Variants in WNK1 observed in about 807,000 individuals in gnomAD.
WNK1 encodes WNK lysine deficient protein kinase 1, also known as serine/threonine-protein kinase WNK1.
WNK1 carries 38 observed loss-of-function variants against 222.8 expected under a neutral mutation model. The observed-to-expected ratio is 0.17, with a 90% CI of 0.13 to 0.22. The LOEUF is 0.22. WNK1 is among the 10% of genes least tolerant of loss of function. The pLI is 1.00. For missense variants in WNK1, 2,348 were observed against 2,918.4 expected (o/e 0.80, Z 4.50); for synonymous variants, 1,090 against 1,092.9 (o/e 1.00, Z 0.05).
chr12:884,844 C>T lies in WNK1; in HGVS notation c.4040C>T (p.Pro1347Leu). 1.2e-6 allele frequency: 2 copies of T among 1,614,124 alleles called. No individual in the cohort carries two copies. The highest frequency in any genetic ancestry group is 1.7e-6 in the Non-Finnish European group (2 of 1,180,006). ...PPFLSSIAGV[P>L]TTAAATAPVP... is the part of the protein sequence containing the mutation. Reference sequence around the variant, plus strand: ...TTCTTAAGTAGCATTGCTGGAGTCCCAACCACAGCAGCAGCCACAGCACCA... The same window carrying T: ...TTCTTAAGTAGCATTGCTGGAGTCCTAACCACAGCAGCAGCCACAGCACCA... Residue 1347 changes from proline to leucine, a missense_variant, in exon 19 of 28, where the codon CCA becomes CTA. Pro to Leu is a moderately conservative substitution (Grantham distance 98). Transcript: ENST00000315939. This position sits in a 1 kb window ranked among gnomAD's most constrained non-coding sequence, Gnocchi z 5.6.
chr12:827,332 G>A lies in WNK1; in HGVS notation c.1153+70G>A. The stretch of plus-strand genomic sequence containing the variant: ...TCCTTTTATTTAGAATCCTGGCTCT[G>A]TCAGAGTTTTAAGTGATATAAACCT... On this transcript the variant is annotated intron_variant, in intron 3 of 27. Transcript: ENST00000315939. The surrounding 1 kb of genome is among the most constrained non-coding windows in gnomAD (Gnocchi z 4.6). 7.1e-7 allele frequency: 1 copy of A among 1,400,500 alleles called. No individual in the cohort carries two copies. Among genetic ancestry groups the A allele is most frequent in the Admixed American group, 1.7e-5 (1 of 59,372 alleles). The allele number at this position is 1,400,500 out of a possible 1,614,324, so 86.8% of individuals were successfully genotyped here.
intron 22 of WNK1, among the ~76,000 whole-genome samples, chr12:893,637 G>C (rs4390399): frequency 0.74 from 111,633 of 151,294 alleles, 41,329 homozygotes; most frequent in African/African-American, 0.81. Flanking sequence ...TCCTGACTAA[G>C]ACGGTGAAAC....
At chr12:813,510 T>A in intron 1 of WNK1, 132 bp from the exon 2 acceptor site, 1 of 910,304 alleles carries the variant, frequency 1.1e-6, no homozygotes, top group East Asian at 2.7e-5. Flanking sequence ...AATCTATCAT[T>A]TATAACTTCA....
rs548580955 is a variant in WNK1, at chr12:875,629, G to GA, written c.2224-2574dup. 7.1e-3 allele frequency among the ~76,000 whole-genome samples: 1,073 copies of GA among 151,336 alleles called. 12 individuals carry two copies. The highest frequency in any genetic ancestry group is 0.025 in the African/African-American group (1,014 of 41,308). The stretch of plus-strand genomic sequence containing the variant: ...ATGAATAAAAACCTATAAGAGAAAG[G>GA]AAAAAAAAATCTAGTTTTATTTTAA... On this transcript the variant is annotated intron_variant, in intron 9 of 27. Coordinates refer to ENST00000315939, the MANE Select transcript of WNK1 (RefSeq NM_018979.4).
chr12:890,405 G>A (rs1310736789), intron 21 of WNK1, 48 bp from the exon 22 acceptor site: 2 of 1,612,510 alleles, frequency 1.2e-6, no homozygotes, highest in South Asian at 1.1e-5. Flanking sequence ...AAAAGTTTGA[G>A]TGACTGAAGC....
At chr12:770,827 A>G (rs1163690027) in intron 1 of WNK1, among the ~76,000 whole-genome samples, 5 of 152,166 alleles carry the variant, frequency 3.3e-5, no homozygotes, top group Non-Finnish European at 7.3e-5. Context: ...GTAATCAGAA[A>G]TGGCATTTCT....
At chr12:834,475 T>C (rs188152787) in intron 4 of WNK1, among the ~76,000 whole-genome samples, 1 of 152,090 alleles carries the variant, frequency 6.6e-6, no homozygotes, top group East Asian at 1.9e-4. Context: ...GTGGATAGGG[T>C]AGAGTAATAT....
At chr12:833,272 T>C (rs549106653) in intron 4 of WNK1, among the ~76,000 whole-genome samples, 1 of 152,358 alleles carries the variant, frequency 6.6e-6, no homozygotes, top group Non-Finnish European at 1.5e-5. Context: ...GTAATTTACA[T>C]TGTGAATTTA....
chr12:773,373 C>G (rs1942759971), intron 1 of WNK1, among the ~76,000 whole-genome samples: 1 of 152,138 alleles, frequency 6.6e-6, no homozygotes, highest in Non-Finnish European at 1.5e-5. Context: ...CCTAAGTTGG[C>G]TTCCTTTATT....
chr12:820,471 T>G (rs1947762820), intron 2 of WNK1, among the ~76,000 whole-genome samples: 2 of 147,510 alleles, frequency 1.4e-5, no homozygotes, highest in South Asian at 2.2e-4. Context: ...TTGGGGTTTT[T>G]TTTTTTTTTT....
At chr12:779,673 A>G (rs1020126644) in intron 1 of WNK1, among the ~76,000 whole-genome samples, 59 of 152,136 alleles carry the variant, frequency 3.9e-4, no homozygotes, top group African/African-American at 1.4e-3. Flanking sequence ...AAGTGCTGGG[A>G]TTACAGGCGT....
intron 8 of WNK1, chr12:868,859 G>A: frequency 6.2e-7 from 1 of 1,613,424 alleles, no homozygotes; most frequent in East Asian, 2.2e-5. Context: ...CTGGCCAATA[G>A]GAAGCCCAGA....
At chr12:847,858 G>A (rs987635108) in intron 4 of WNK1, among the ~76,000 whole-genome samples, 2 of 139,902 alleles carry the variant, frequency 1.4e-5, no homozygotes, top group African/African-American at 5.4e-5. Context: ...TTAGGCTGGA[G>A]TGCAGTGGCA....
chr12:834,172 T>C lies in WNK1; in HGVS notation c.1311+4012T>C, dbSNP rs140702760. 9.2e-5 allele frequency among the ~76,000 whole-genome samples: 14 copies of C among 152,246 alleles called. No individual in the cohort carries two copies. In the East Asian group the frequency reaches 2.7e-3, roughly 29 times the overall value. ...TGAGATGCCAAACACCGTAGTACAA[T>C]GGAAGGAAAGGCAAATTGATCAAAT... On this transcript the variant is annotated intron_variant, in intron 4 of 27. Coordinates refer to ENST00000315939, the MANE Select transcript of WNK1 (RefSeq NM_018979.4).
chr12:764,095 G>A lies in WNK1; in HGVS notation c.759+9771G>A, dbSNP rs180874888. 1.4e-3 allele frequency among the ~76,000 whole-genome samples: 207 copies of A among 147,098 alleles called. 16 individuals are homozygous for A. Among genetic ancestry groups the A allele is most frequent in the Non-Finnish European group, 2.7e-3 (177 of 65,906 alleles). ...CCCAAAAATGTCTATATTAGTTGTA[G>A]CTGAAATAATGGAAGTAAATGAGAT... On this transcript the variant is annotated intron_variant, in intron 1 of 27. Coordinates refer to ENST00000315939, the MANE Select transcript of WNK1 (RefSeq NM_018979.4).
intron 1 of WNK1, among the ~76,000 whole-genome samples, chr12:771,645 G>A (rs145317844): frequency 2.6e-5 from 4 of 151,942 alleles, no homozygotes; most frequent in South Asian, 2.1e-4. Context: ...ATATTGGCCC[G>A]GTTGATCTCG....
In WNK1 at chr12:885,347, A is replaced by G. The variant is rs886988443; in HGVS notation, c.4543A>G (p.Thr1515Ala). 2 of 1,613,910 alleles carry G rather than the reference A, an allele frequency of 1.2e-6. No individual in the cohort carries two copies. The highest frequency in any genetic ancestry group is 2.2e-5 in the East Asian group (1 of 44,880). The stretch of plus-strand genomic sequence containing the variant: ...CATTCAGCTTAGCAGCAGTACTTCT[A>G]CTCCTACTTTAGCTGAAACCGTGGT... ...LCIQLSSSTS[T>A]PTLAETVVVS... The change falls in exon 19 of 28, where the codon ACT (threonine) becomes GCT (alanine). Residue 1515 changes from threonine to alanine, a missense_variant. Transcript: ENST00000315939.
intron 1 of WNK1, among the ~76,000 whole-genome samples, chr12:778,893 A>G (rs1943402342): frequency 6.6e-6 from 1 of 152,190 alleles, no homozygotes; most frequent in Admixed American, 6.5e-5. Context: ...AAATATGAGC[A>G]AAAGCTGGTA....
chr12:839,041 C>T (rs564358303), intron 4 of WNK1, among the ~76,000 whole-genome samples: 293 of 152,200 alleles, frequency 1.9e-3, no homozygotes, highest in South Asian at 3.7e-3. Context: ...ACAAATAAAG[C>T]AAACAGTTAC....
Sources: gnomAD v4.1 joint callset for allele counts (sites outside exome capture counted in the v4.1 genomes callset) on GRCh38, gnomAD v4.1.1 for gene constraint, Gnocchi (gnomAD v3.1) non-coding constraint, MANE v1.5 for transcripts, NCBI Gene and HGNC (gene_info 2026-07-23, HGNC 2026-07-21) for gene names.